Variants in LHFPL6 observed in about 807,000 individuals in gnomAD.
LHFPL6 encodes LHFPL tetraspan subfamily member 6 protein.
LHFPL6 carries 9 observed loss-of-function variants against 20.6 expected under a neutral mutation model. The ratio of observed to expected loss-of-function variants is 0.44; its 90% CI spans 0.26 to 0.76. LHFPL6 has a LOEUF of 0.76. LHFPL6 is among the 30% of genes least tolerant of loss of function. The pLI, the probability that LHFPL6 is intolerant of heterozygous loss-of-function variation, is 0.20. For missense variants in LHFPL6, 218 were observed against 253.5 expected (o/e 0.86, Z 0.95); for synonymous variants, 105 against 98.7 (o/e 1.06, Z -0.38).
chr13:39,345,686 C>T (rs7998423), intron 3 of LHFPL6, among the ~76,000 whole-genome samples: 17,282 of 151,972 alleles, frequency 0.11, 1,301 homozygotes, highest in South Asian at 0.22. Flanking sequence ...GTAGATAACC[C>T]CCCATAAAGA....
intron 2 of LHFPL6, among the ~76,000 whole-genome samples, chr13:39,457,635 G>A (rs1250379756): frequency 6.6e-6 from 1 of 152,152 alleles, no homozygotes; most frequent in Non-Finnish European, 1.5e-5. Flanking sequence ...TTTGCGCAAA[G>A]GCAAAACCAC....
In LHFPL6 at chr13:39,377,922, T is replaced by C. The variant is rs138145937; in HGVS notation, c.484+506A>G. 7.0e-3 allele frequency among the ~76,000 whole-genome samples: 1,071 copies of C among 152,302 alleles called. 12 individuals carry two copies. Among genetic ancestry groups the C allele is most frequent in the African/African-American group, 0.024 (1,015 of 41,554 alleles). ...CCTTTGCTATACTGTATTCCTCACC[T>C]GCAAAGTGCTTCCATCTAATCCTGA... On this transcript the variant is annotated intron_variant, in intron 3 of 3. Coordinates refer to ENST00000379589, the MANE Select transcript of LHFPL6 (RefSeq NM_005780.3).
Position 39,433,919 on chromosome 13 carries a change from G to A in LHFPL6, c.386-55393C>T, listed in dbSNP as rs549693883. Among the ~76,000 whole-genome samples the A allele has an allele frequency of 9.2e-5, 14 of 152,282 alleles. No individual in the cohort carries two copies. The East Asian group carries it at 2.3e-3, about 25-fold the overall frequency. On this transcript the variant is annotated intron_variant, in intron 2 of 3. Coordinates refer to ENST00000379589, the MANE Select transcript of LHFPL6 (RefSeq NM_005780.3). ...TTTCCTCTACTCCCTTCAACCCATC[G>A]ATTTCCTGCTCCTGTTTCCCTGGCT...
intron 2 of LHFPL6, among the ~76,000 whole-genome samples, chr13:39,599,997 A>C (rs1383451524): frequency 6.6e-6 from 1 of 152,250 alleles, no homozygotes; most frequent in Non-Finnish European, 1.5e-5. Context: ...ACTGTAAATC[A>C]GACAAGTTCA....
chr13:39,552,975 A>G (rs116250593), intron 2 of LHFPL6, among the ~76,000 whole-genome samples: 2,547 of 152,124 alleles, frequency 0.017, 83 homozygotes, highest in African/African-American at 0.059. Flanking sequence ...TTTGTTGTAC[A>G]CTTATTCTGG....
intron 2 of LHFPL6, among the ~76,000 whole-genome samples, chr13:39,501,812 G>C (rs1238959157): frequency 6.6e-6 from 1 of 152,156 alleles, no homozygotes; most frequent in Non-Finnish European, 1.5e-5. Context: ...GGCTGGCCCA[G>C]AGCGAACCAG....
At chr13:39,470,069 C>A (rs1872904341) in intron 2 of LHFPL6, among the ~76,000 whole-genome samples, 1 of 152,144 alleles carries the variant, frequency 6.6e-6, no homozygotes, top group Non-Finnish European at 1.5e-5. Context: ...AATAATCCAG[C>A]TAACCATTTC....
intron 1 of LHFPL6, among the ~76,000 whole-genome samples, chr13:39,602,610 A>G (rs565224340): frequency 1.4e-3 from 213 of 150,200 alleles, no homozygotes; most frequent in Middle Eastern, 6.8e-3. Flanking sequence ...CACTCCACCC[A>G]TGGAGACACA....
At chr13:39,422,267 G>T (rs1871512119) in intron 2 of LHFPL6, among the ~76,000 whole-genome samples, 1 of 152,120 alleles carries the variant, frequency 6.6e-6, no homozygotes, top group South Asian at 2.1e-4. Context: ...TAGGTATAAT[G>T]AATTCTAAAA....
At chr13:39,591,284 A>G (rs1182800445) in intron 2 of LHFPL6, among the ~76,000 whole-genome samples, 1 of 152,230 alleles carries the variant, frequency 6.6e-6, no homozygotes, top group Non-Finnish European at 1.5e-5. Flanking sequence ...AGGAGGAAAA[A>G]CACAGCATTG....
chr13:39,596,074 T>A (rs1872762530), intron 2 of LHFPL6, among the ~76,000 whole-genome samples: 1 of 152,128 alleles, frequency 6.6e-6, no homozygotes, highest in African/African-American at 2.4e-5. Context: ...AAATCTTGTG[T>A]CTGGTATAAA....
intron 2 of LHFPL6, among the ~76,000 whole-genome samples, chr13:39,507,889 CCCTT>C (rs142738046): frequency 7.0e-6 from 1 of 143,500 alleles, no homozygotes; most frequent in Non-Finnish European, 1.5e-5. Flanking sequence ...TGCCTCCCCT[CCCTT>C]CCTTCCTTCC....
At chr13:39,440,989 C>T (rs116770610) in intron 2 of LHFPL6, among the ~76,000 whole-genome samples, 2,772 of 152,110 alleles carry the variant, frequency 0.018, 80 homozygotes, top group African/African-American at 0.063. Context: ...GAGGCCTCCC[C>T]CCCAGCCATG....
Position 39,585,397 on chromosome 13 carries a change from G to A in LHFPL6, c.385+15435C>T, listed in dbSNP as rs374145944. The stretch of plus-strand genomic sequence containing the variant: ...GACAAGAGTACGTTTTGTGTGTCAC[G>A]GCCTTCAATGCAATTGGCTCTTGGG... On this transcript the variant is annotated intron_variant, in intron 2 of 3. Coordinates refer to ENST00000379589, the MANE Select transcript of LHFPL6 (RefSeq NM_005780.3). 1.4e-4 allele frequency among the ~76,000 whole-genome samples: 22 copies of A among 152,244 alleles called. No individual in the cohort carries two copies. The East Asian group carries it at 2.9e-3, about 20-fold the overall frequency.
intron 2 of LHFPL6, among the ~76,000 whole-genome samples, chr13:39,483,246 C>T (rs1323308414): frequency 1.3e-5 from 2 of 152,084 alleles, no homozygotes; most frequent in African/African-American, 4.8e-5. Flanking sequence ...TTTTGTGGCA[C>T]AGTCTCTGCC....
At chr13:39,419,629 CTA>C (rs1871430537) in intron 2 of LHFPL6, among the ~76,000 whole-genome samples, 1 of 152,014 alleles carries the variant, frequency 6.6e-6, no homozygotes, top group Non-Finnish European at 1.5e-5. Context: ...ATGATTCTTT[CTA>C]AATCTTATTT....
chr13:39,363,561 C>A (rs567493075), intron 3 of LHFPL6, among the ~76,000 whole-genome samples: 8 of 152,276 alleles, frequency 5.3e-5, no homozygotes, highest in African/African-American at 1.9e-4. Context: ...AGTTTGCCAA[C>A]CCCTGATGTA....
At chr13:39,462,085 G>A (rs540677089) in intron 2 of LHFPL6, among the ~76,000 whole-genome samples, 67 of 152,208 alleles carry the variant, frequency 4.4e-4, no homozygotes, top group African/African-American at 1.6e-3. Context: ...TCCTGCCTCC[G>A]ACAGGTTCCA....
chr13:39,583,285 C>T (rs368840145), intron 2 of LHFPL6, among the ~76,000 whole-genome samples: 1 of 151,654 alleles, frequency 6.6e-6, no homozygotes, highest in Non-Finnish European at 1.5e-5. Context: ...TGATCCTCCC[C>T]CCTCAGCCCC....
Sources: allele counts gnomAD v4.1 joint callset (sites outside exome capture counted in the v4.1 genomes callset), GRCh38; gene constraint gnomAD v4.1.1; transcripts MANE v1.5; gene names NCBI Gene and HGNC (gene_info 2026-07-23, HGNC 2026-07-21).